The following MACROD1 variants were observed in gnomAD, a reference collection of about 807,000 sequenced individuals.
MACROD1 encodes the protein mono-ADP ribosylhydrolase 1.
A neutral mutation model predicts 41.4 loss-of-function variants in MACROD1; 31 were observed. That is an observed-to-expected ratio of 0.75 (90% confidence interval 0.56 to 1.01). The LOEUF (loss-of-function observed/expected upper bound fraction) is 1.01. Among genes scored for constraint, MACROD1 ranks in the 50% least tolerant of loss-of-function variants. MACROD1 has a pLI of 0.00. For missense variants in MACROD1, 473 were observed against 460.0 expected (o/e 1.03, Z -0.26); for synonymous variants, 252 against 203.4 (o/e 1.24, Z -2.03).
chr11:64,021,809 C>T (rs759540920), intron 3 of MACROD1, among the ~76,000 whole-genome samples: 9 of 151,950 alleles, frequency 5.9e-5, no homozygotes, highest in Admixed American at 1.3e-4. Context: ...ATGGGGCAGC[C>T]CTGCTGGCAC....
intron 4 of MACROD1, among the ~76,000 whole-genome samples, chr11:64,003,571 C>G (rs1942861365): frequency 6.6e-6 from 1 of 152,172 alleles, no homozygotes; most frequent in East Asian, 1.9e-4. Context: ...GCTGGTATGA[C>G]TCACCCCCCA....
In MACROD1 at chr11:64,152,396, G is replaced by T; in HGVS notation, c.299-3C>A. On this transcript the variant is annotated splice_polypyrimidine_tract_variant and splice_region_variant and intron_variant, in intron 1 of 10. Coordinates refer to ENST00000255681, the MANE Select transcript of MACROD1 (RefSeq NM_014067.4). ...GTCACTCAGGCCCTTCAGAAAGGCTGCAGAGGCAGGAAGGAGGATCAGGGT... is the reference window on the plus strand; with the variant it reads ...GTCACTCAGGCCCTTCAGAAAGGCTTCAGAGGCAGGAAGGAGGATCAGGGT... 1 of 1,612,804 alleles carries T rather than the reference G, an allele frequency of 6.2e-7. No individual in the cohort carries two copies. The highest frequency in any genetic ancestry group is 1.1e-5 in the South Asian group (1 of 91,060).
At chr11:64,015,169 C>A in intron 4 of MACROD1, 83 bp downstream of exon 4, 1 of 1,404,758 alleles carries the variant, frequency 7.1e-7, no homozygotes. Flanking sequence ...GAGATGGGCA[C>A]CGAGGGCGAG....
At chr11:64,114,706 C>T (rs1565239641) in intron 3 of MACROD1, among the ~76,000 whole-genome samples, 1 of 137,636 alleles carries the variant, frequency 7.3e-6, no homozygotes, top group African/African-American at 2.7e-5. Context: ...TGGACTGATA[C>T]ATAGATGGAT....
At chr11:64,112,947 G>A (rs186858592) in intron 3 of MACROD1, among the ~76,000 whole-genome samples, 1 of 152,340 alleles carries the variant, frequency 6.6e-6, no homozygotes, top group Admixed American at 6.5e-5. Context: ...TCTGTCATCG[G>A]GTGGTCACTG....
At chr11:64,017,944 G>C (rs564043839) in intron 3 of MACROD1, among the ~76,000 whole-genome samples, 2 of 152,342 alleles carry the variant, frequency 1.3e-5, no homozygotes, top group African/African-American at 4.8e-5. Context: ...GGAAGGTGAT[G>C]CCATTCCCCT....
chr11:64,088,604 C>G (rs1477971589), intron 3 of MACROD1, among the ~76,000 whole-genome samples: 2 of 151,986 alleles, frequency 1.3e-5, no homozygotes, highest in African/African-American at 2.4e-5. Flanking sequence ...TCCTCCTCCC[C>G]GGGTTTTGTT....
chr11:64,152,223 G>A, intron 2 of MACROD1, 69 bp downstream of exon 2: 2 of 1,353,754 alleles, frequency 1.5e-6, no homozygotes, highest in South Asian at 1.2e-5. Context: ...AGCTCTTCTT[G>A]TCTGCACAAT....
At chr11:64,019,316 C>T (rs1943123014) in intron 3 of MACROD1, among the ~76,000 whole-genome samples, 1 of 152,116 alleles carries the variant, frequency 6.6e-6, no homozygotes, top group Non-Finnish European at 1.5e-5. Flanking sequence ...CCCCTCAATG[C>T]CAGTCACTGC....
chr11:64,016,654 C>T (rs566801714), intron 3 of MACROD1, among the ~76,000 whole-genome samples: 45 of 152,354 alleles, frequency 3.0e-4, no homozygotes, highest in African/African-American at 1.0e-3. Context: ...TTAATTCCAC[C>T]GCCCAAAAAC....
intron 2 of MACROD1, 32 bp from the exon 3 acceptor site, chr11:64,151,387 C>A (rs200023735): frequency 2.6e-6 from 4 of 1,552,172 alleles, no homozygotes; most frequent in African/African-American, 2.7e-5. Context: ...GAGGTCACAG[C>A]GAGGCTGCCC....
rs567314779 is a variant in MACROD1 at position 64,127,387 on chromosome 11, G to A, written c.517+23852C>T. ...GGTCTCAGCGGCCCACCCCCTCCCC[G>A]GGCCTTGCCCCCGAGGCTCAGCCCA... On this transcript the variant is annotated intron_variant, in intron 3 of 10. Transcript: ENST00000255681. Among the ~76,000 whole-genome samples, 472 of 141,188 alleles carry A rather than the reference G, an allele frequency of 3.3e-3. 2 individuals are homozygous for A. Among genetic ancestry groups the A allele is most frequent in the Non-Finnish European group, 5.6e-3 (358 of 63,912 alleles). The allele number at this position is 141,188 out of a possible 152,430, so 92.6% of individuals were successfully genotyped here.
chr11:64,141,325 C>T (rs1945410140), intron 3 of MACROD1, among the ~76,000 whole-genome samples: 1 of 152,238 alleles, frequency 6.6e-6, no homozygotes, highest in Admixed American at 6.5e-5. Context: ...TCTGAGCCCA[C>T]TCTAGAGGTC....
At chr11:64,029,933 T>C (rs1943272165) in intron 3 of MACROD1, among the ~76,000 whole-genome samples, 1 of 151,986 alleles carries the variant, frequency 6.6e-6, no homozygotes, top group South Asian at 2.1e-4. Context: ...GGAGGTGATG[T>C]CACTGGTGGG....
At chr11:64,140,664 A>T (rs368948033) in intron 3 of MACROD1, among the ~76,000 whole-genome samples, 3 of 152,350 alleles carry the variant, frequency 2.0e-5, no homozygotes, top group East Asian at 3.9e-4. Flanking sequence ...TGAGCATCCT[A>T]CACAAGCAGT....
chr11:64,083,845 C>A (rs556626494), intron 3 of MACROD1, among the ~76,000 whole-genome samples: 8 of 152,270 alleles, frequency 5.3e-5, no homozygotes, highest in Admixed American at 3.9e-4. Context: ...CTGCCAGGGC[C>A]GGTGAGGGGC....
At chr11:64,131,940 G>A (rs1366424380) in intron 3 of MACROD1, among the ~76,000 whole-genome samples, 1 of 152,192 alleles carries the variant, frequency 6.6e-6, no homozygotes, top group Non-Finnish European at 1.5e-5. Context: ...TGGCGGGAGG[G>A]AGGGGCGCAC....
chr11:64,147,940 TG>T (rs1945518926), intron 3 of MACROD1, among the ~76,000 whole-genome samples: 1 of 151,966 alleles, frequency 6.6e-6, no homozygotes, highest in Admixed American at 6.6e-5. Context: ...AGTCTCACTA[TG>T]TTGGCCAGGC....
Position 63,998,819 on chromosome 11 carries a change from G to A in MACROD1, c.*30+19C>T, listed in dbSNP as rs781066326. 2 of 1,519,458 alleles carry A rather than the reference G, an allele frequency of 1.3e-6. No homozygotes were observed. Among genetic ancestry groups the A allele is most frequent in the South Asian group, 1.3e-5 (1 of 78,990 alleles). 94.1% of individuals were successfully genotyped at this position (1,519,458 alleles called of 1,614,324 possible). The stretch of plus-strand genomic sequence containing the variant: ...TAGTCTAGGGCCGGGGCCGCCGCAC[G>A]GGGCGAGGCCCTGCTTACCAGTCCC... On this transcript the variant is annotated intron_variant, in intron 10 of 10. Transcript: ENST00000255681.
Sources: gnomAD v4.1 joint callset for allele counts (sites outside exome capture counted in the v4.1 genomes callset) on GRCh38, gnomAD v4.1.1 for gene constraint, MANE v1.5 for transcripts, NCBI Gene and HGNC (gene_info 2026-07-23, HGNC 2026-07-21) for gene names.